JAKMIP1: variants seen among roughly 807,000 people sequenced by gnomAD.
JAKMIP1 encodes janus kinase and microtubule interacting protein 1.
Under a neutral mutation model 113.0 loss-of-function variants are expected in JAKMIP1, and 33 were observed. The observed-to-expected ratio is 0.29, with a 90% CI of 0.22 to 0.39. JAKMIP1 has a LOEUF of 0.39. Among genes scored for constraint, JAKMIP1 ranks in the 10% least tolerant of loss-of-function variants. The pLI is 1.00. For synonymous variants in JAKMIP1, 480 were observed against 459.9 expected, an observed-to-expected ratio of 1.04 and a Z score of -0.56; for missense variants, 813 against 1,080.5, an observed-to-expected ratio of 0.75 and a Z score of 3.47.
At chr4:6,171,019 T>TC (rs1267642824) in intron 1 of JAKMIP1, among the ~76,000 whole-genome samples, 3 of 143,966 alleles carry the variant, frequency 2.1e-5, no homozygotes, top group Non-Finnish European at 1.5e-5. Flanking sequence ...GCCATCACCA[T>TC]AATCACCACC....
At chr4:6,100,017 A>G (rs1257145057) in intron 3 of JAKMIP1, among the ~76,000 whole-genome samples, 10 of 152,202 alleles carry the variant, frequency 6.6e-5, no homozygotes, top group Non-Finnish European at 1.5e-4. Flanking sequence ...TCTTCCTCTT[A>G]TAAATATGCT....
chr4:6,130,754 G>A (rs967176371), intron 1 of JAKMIP1, among the ~76,000 whole-genome samples: 2 of 152,098 alleles, frequency 1.3e-5, no homozygotes, highest in African/African-American at 4.8e-5. Flanking sequence ...TGCCTTTCAT[G>A]GGCTCATTAG....
chr4:6,057,935 T>C (rs1312427003), intron 11 of JAKMIP1, among the ~76,000 whole-genome samples: 1 of 152,252 alleles, frequency 6.6e-6, no homozygotes, highest in Non-Finnish European at 1.5e-5. Context: ...GTGCCCAGCC[T>C]GAGCCCAGCC....
chr4:6,167,329 C>G lies in JAKMIP1; in HGVS notation c.-148+32924G>C, dbSNP rs1315350985. 6.6e-6 allele frequency among the ~76,000 whole-genome samples: 1 copy of G among 151,928 alleles called. No homozygotes were observed. Among genetic ancestry groups the G allele is most frequent in the Non-Finnish European group, 1.5e-5 (1 of 67,974 alleles). ...GCTCCTCCTCCCCCTGACAGTGGCC[C>G]TTGTCTCCCTCCAGCCTCCTCTGCT... On this transcript the variant is annotated intron_variant, in intron 1 of 20. Coordinates refer to ENST00000409021, the MANE Select transcript of JAKMIP1 (RefSeq NM_001099433.2). This position sits in a 1 kb window ranked among gnomAD's most constrained non-coding sequence, Gnocchi z 5.3.
intron 10 of JAKMIP1, among the ~76,000 whole-genome samples, chr4:6,060,798 G>A (rs1178627519): frequency 3.9e-5 from 6 of 152,228 alleles, no homozygotes; most frequent in Admixed American, 3.9e-4. Context: ...GTTTTTGAAG[G>A]GGGTGAGTGA....
chr4:6,155,283 A>T lies in JAKMIP1; in HGVS notation c.-147-42286T>A, dbSNP rs1351382086. On this transcript the variant is annotated intron_variant, in intron 1 of 20. Transcript: ENST00000409021. This position sits in a 1 kb window ranked among gnomAD's most constrained non-coding sequence, Gnocchi z 6.1. ...CCTCCTCTGCGCTCAACGCCTTTTA[A>T]TACCAGCAACCACCACTCAACCACC... 6.6e-6 allele frequency among the ~76,000 whole-genome samples: 1 copy of T among 152,104 alleles called. No individual in the cohort carries two copies. The highest frequency in any genetic ancestry group is 6.5e-5 in the Admixed American group (1 of 15,280).
chr4:6,169,981 A>G (rs946311788), intron 1 of JAKMIP1, among the ~76,000 whole-genome samples: 1 of 55,114 alleles, frequency 1.8e-5, no homozygotes, highest in African/African-American at 1.2e-4. Flanking sequence ...CACCACCACT[A>G]CCACCACCAC....
chr4:6,084,143 C>A, intron 5 of JAKMIP1, among the ~76,000 whole-genome samples: 1 of 151,826 alleles, frequency 6.6e-6, no homozygotes, highest in Non-Finnish European at 1.5e-5. Context: ...CATGGAGAAA[C>A]CCTGCCTCTA....
chr4:6,085,648 A>G lies in JAKMIP1; in HGVS notation c.625-19T>C. On this transcript the variant is annotated intron_variant, in intron 3 of 20. Transcript: ENST00000409021. Reference sequence around the variant, plus strand: ...CATCCATCTGAAAAGGAGAAAGAATAAGCAGTCAGCCCTAGGGGCTCATGA... The same window carrying G: ...CATCCATCTGAAAAGGAGAAAGAATGAGCAGTCAGCCCTAGGGGCTCATGA... 6.2e-7 allele frequency: 1 copy of G among 1,610,886 alleles called. No individual in the cohort carries two copies. The highest frequency in any genetic ancestry group is 8.5e-7 in the Non-Finnish European group (1 of 1,178,218).
rs938601005 is a variant in JAKMIP1, at chr4:6,137,858, C to T, written c.-147-24861G>A. Among the ~76,000 whole-genome samples, 1 of 152,248 alleles carries T rather than the reference C, an allele frequency of 6.6e-6. No homozygotes were observed. The highest frequency in any genetic ancestry group is 1.5e-5 in the Non-Finnish European group (1 of 68,046). On this transcript the variant is annotated intron_variant, in intron 1 of 20. Transcript: ENST00000409021. This position sits in a 1 kb window ranked among gnomAD's most constrained non-coding sequence, Gnocchi z 4.5. ...GCCTGGCAGACAAGGTGTGCTCTGG[C>T]GTTGGGGGTCCAACCATGGCCTTCT...
chr4:6,158,051 A>C lies in JAKMIP1; in HGVS notation c.-148+42202T>G, dbSNP rs1393127210. On this transcript the variant is annotated intron_variant, in intron 1 of 20. Coordinates refer to ENST00000409021, the MANE Select transcript of JAKMIP1 (RefSeq NM_001099433.2). The surrounding 1 kb of genome is among the most constrained non-coding windows in gnomAD (Gnocchi z 5.3). ...GGCTATGTGCTATGAGGTAGGGCTC[A>C]AGCTGTCGGCCAGCGCCGTCCCTCT... Among the ~76,000 whole-genome samples the C allele has an allele frequency of 1.3e-5, 2 of 152,190 alleles. No individual in the cohort carries two copies. Among genetic ancestry groups the C allele is most frequent in the African/African-American group, 4.8e-5 (2 of 41,462 alleles).
chr4:6,115,059 C>T (rs982459656), intron 1 of JAKMIP1, among the ~76,000 whole-genome samples: 4 of 152,110 alleles, frequency 2.6e-5, no homozygotes, highest in Non-Finnish European at 4.4e-5. Context: ...GTCTAAGCCC[C>T]GACAGAAAAG....
rs1205060097 is a variant in JAKMIP1 at position 6,136,650 on chromosome 4, A to G, written c.-147-23653T>C. 1.3e-5 allele frequency among the ~76,000 whole-genome samples: 2 copies of G among 152,136 alleles called. No individual in the cohort carries two copies. Among genetic ancestry groups the G allele is most frequent in the African/African-American group, 2.4e-5 (1 of 41,416 alleles). ...TTCTTGCCTACTTTTCTGATTTTTC[A>G]TGGTGATTAGCACCCAGTCAGGAGC... is the stretch of plus-strand genomic sequence containing the variant. On this transcript the variant is annotated intron_variant, in intron 1 of 20. Coordinates refer to ENST00000409021, the MANE Select transcript of JAKMIP1 (RefSeq NM_001099433.2). The surrounding 1 kb of genome is among the most constrained non-coding windows in gnomAD (Gnocchi z 5.9).
At chr4:6,079,032 C>G in intron 7 of JAKMIP1, 34 bp from the exon 8 acceptor site, 1 of 1,612,980 alleles carries the variant, frequency 6.2e-7, no homozygotes, top group Non-Finnish European at 8.5e-7. Flanking sequence ...CATTTCCAGC[C>G]AGCCTCACAT....
rs1055361238 is a variant in JAKMIP1 at position 6,069,759 on chromosome 4, A to G, written c.1303-4751T>C. 1.2e-4 allele frequency among the ~76,000 whole-genome samples: 19 copies of G among 152,038 alleles called. No individual in the cohort carries two copies. Among genetic ancestry groups the G allele is most frequent in the African/African-American group, 4.6e-4 (19 of 41,362 alleles). On this transcript the variant is annotated intron_variant, in intron 8 of 20. Coordinates refer to ENST00000409021, the MANE Select transcript of JAKMIP1 (RefSeq NM_001099433.2). The surrounding 1 kb of genome is among the most constrained non-coding windows in gnomAD (Gnocchi z 4.5). ...CAGGGCAAGATCCTGTCTCAAAAAA[A>G]AAAAAAAAAAGATTCAGTTTTGGCA...
In JAKMIP1 at chr4:6,156,085, A is replaced by C. The variant is rs1722205628; in HGVS notation, c.-147-43088T>G. ...GATCCAGAAAACCCATCCATCAACA[A>C]ACTATTCTGAAATAATCTGTTGGCA... On this transcript the variant is annotated intron_variant, in intron 1 of 20. Transcript: ENST00000409021. The surrounding 1 kb of genome is among the most constrained non-coding windows in gnomAD (Gnocchi z 5.0). 6.6e-6 allele frequency among the ~76,000 whole-genome samples: 1 copy of C among 152,184 alleles called. No homozygotes were observed. Among genetic ancestry groups the C allele is most frequent in the African/African-American group, 2.4e-5 (1 of 41,426 alleles).
chr4:6,084,212 G>C (rs1720963208), intron 5 of JAKMIP1, among the ~76,000 whole-genome samples: 1 of 151,994 alleles, frequency 6.6e-6, no homozygotes, highest in South Asian at 2.1e-4. Flanking sequence ...AGCTACTCGG[G>C]AGGCTGAGGC....
chr4:6,052,608 G>A (rs965231108), intron 13 of JAKMIP1, among the ~76,000 whole-genome samples: 7 of 132,202 alleles, frequency 5.3e-5, no homozygotes, highest in African/African-American at 1.8e-4. Flanking sequence ...AGTGCACCAC[G>A]CCACTGTCCT....
intron 16 of JAKMIP1, among the ~76,000 whole-genome samples, chr4:6,046,064 C>T (rs1019347680): frequency 5.3e-5 from 8 of 152,292 alleles, no homozygotes; most frequent in East Asian, 1.9e-4. Flanking sequence ...CAGTGCCTGT[C>T]GGCTCTAGGG....
Sources: gnomAD v4.1 joint callset for allele counts (sites outside exome capture counted in the v4.1 genomes callset) on GRCh38, gnomAD v4.1.1 for gene constraint, Gnocchi (gnomAD v3.1) non-coding constraint, MANE v1.5 for transcripts, NCBI Gene and HGNC (gene_info 2026-07-23, HGNC 2026-07-21) for gene names.